Variants in ABHD3 observed in about 807,000 individuals in gnomAD.
The protein encoded by ABHD3 is abhydrolase domain containing 3, phospholipase, also known as phospholipase ABHD3.
ABHD3 carries 46 observed loss-of-function variants against 48.8 expected under a neutral mutation model. The ratio of observed to expected loss-of-function variants is 0.94; its 90% CI spans 0.74 to 1.20. ABHD3 has a LOEUF of 1.20. Among genes scored for constraint, ABHD3 ranks in the 50% most tolerant of loss-of-function variants. The pLI is 0.00. For synonymous variants in ABHD3, 192 were observed against 183.7 expected, an observed-to-expected ratio of 1.04 and a Z score of -0.36; for missense variants, 490 against 497.8, an observed-to-expected ratio of 0.98 and a Z score of 0.15.
intron 4 of ABHD3, among the ~76,000 whole-genome samples, chr18:21,672,434 T>TA (rs1467842631): frequency 5.3e-5 from 8 of 152,228 alleles, no homozygotes; most frequent in Admixed American, 6.5e-5. Context: ...GAATGCCTGG[T>TA]AAAAAAATCA....
chr18:21,666,567 T>C (rs950552129), intron 4 of ABHD3, among the ~76,000 whole-genome samples: 5 of 152,178 alleles, frequency 3.3e-5, no homozygotes, highest in Non-Finnish European at 7.3e-5. Flanking sequence ...TGACCTCAAA[T>C]GATCTACCCG....
chr18:21,682,636 C>T (rs996283232), intron 4 of ABHD3: 6 of 152,250 alleles, frequency 3.9e-5, no homozygotes, highest in African/African-American at 1.2e-4. Context: ...GCACATACCA[C>T]GGCTCTGCTG....
chr18:21,689,301 C>A (rs1190645422), intron 3 of ABHD3, among the ~76,000 whole-genome samples: 1 of 152,010 alleles, frequency 6.6e-6, no homozygotes, highest in African/African-American at 2.4e-5. Flanking sequence ...GTAATCTCAG[C>A]CCTTTGGGAA....
intron 4 of ABHD3, among the ~76,000 whole-genome samples, chr18:21,678,638 C>T (rs1360802945): frequency 6.6e-6 from 1 of 151,772 alleles, no homozygotes; most frequent in Non-Finnish European, 1.5e-5. Flanking sequence ...TATTCCTAAA[C>T]TAAGTTTACA....
intron 4 of ABHD3, among the ~76,000 whole-genome samples, chr18:21,673,042 A>C (rs1042590818): frequency 1.3e-5 from 2 of 152,156 alleles, no homozygotes; most frequent in Non-Finnish European, 2.9e-5. Context: ...TACACCAATA[A>C]ATGAGCAGTT....
intron 3 of ABHD3, among the ~76,000 whole-genome samples, chr18:21,688,815 G>T (rs1161554299): frequency 6.6e-6 from 1 of 152,146 alleles, no homozygotes; most frequent in Non-Finnish European, 1.5e-5. Context: ...ATTGTAAAGG[G>T]AGTAATCCAA....
At chr18:21,667,060 T>C (rs1299106092) in intron 4 of ABHD3, among the ~76,000 whole-genome samples, 1 of 150,568 alleles carries the variant, frequency 6.6e-6, no homozygotes, top group Non-Finnish European at 1.5e-5. Context: ...CACTAATGAG[T>C]AGCCTGAGAA....
intron 8 of ABHD3, among the ~76,000 whole-genome samples, chr18:21,653,283 C>T (rs1000363307): frequency 5.3e-5 from 8 of 150,410 alleles, no homozygotes; most frequent in African/African-American, 2.0e-4. Context: ...TGAACTATCG[C>T]ACCACTGCAC....
Position 21,659,310 on chromosome 18 carries a change from C to T in ABHD3, c.702G>A (p.Gly234=), listed in dbSNP as rs1326895795. Residue 234 remains glycine (G), a synonymous_variant, in exon 6 of 9, where the codon GGG becomes GGA. Coordinates refer to ENST00000289119, the MANE Select transcript of ABHD3 (RefSeq NM_138340.5). ...CAGCTGCCATCAAAGGCGTTTTGGA[C>T]CCAATTTTGCCCAAGTAATTTAGAA... ...MLLLNYLGKI[G]SKTPLMAAAT... 3 of 1,610,140 alleles carry T rather than the reference C, an allele frequency of 1.9e-6. 1 individual carries two copies. The highest frequency in any genetic ancestry group is 2.7e-5 in the African/African-American group (2 of 74,756).
chr18:21,665,135 G>A (rs529893157), intron 4 of ABHD3, among the ~76,000 whole-genome samples: 1 of 152,004 alleles, frequency 6.6e-6, no homozygotes, highest in African/African-American at 2.4e-5. Flanking sequence ...AGTAGAGATG[G>A]GGTTTCACCA....
intron 4 of ABHD3, among the ~76,000 whole-genome samples, chr18:21,665,591 T>C (rs2146292712): frequency 6.6e-6 from 1 of 152,028 alleles, no homozygotes; most frequent in African/African-American, 2.4e-5. Context: ...CCAAGGCAGG[T>C]GGATCATGAG....
chr18:21,703,156 G>T (rs2040549194), intron 2 of ABHD3, among the ~76,000 whole-genome samples: 1 of 151,256 alleles, frequency 6.6e-6, no homozygotes, highest in African/African-American at 2.4e-5. Flanking sequence ...CCTGTCAATA[G>T]GAAGTCATTT....
intron 3 of ABHD3, among the ~76,000 whole-genome samples, chr18:21,690,360 G>C (rs961044029): frequency 6.6e-6 from 1 of 151,868 alleles, no homozygotes; most frequent in Non-Finnish European, 1.5e-5. Context: ...ACAGCACTTC[G>C]GGAGGCCGGG....
At chr18:21,700,683 A>C (rs950307174) in intron 3 of ABHD3, among the ~76,000 whole-genome samples, 3 of 152,138 alleles carry the variant, frequency 2.0e-5, no homozygotes, top group Admixed American at 2.0e-4. Flanking sequence ...TACAGGCGTC[A>C]GCCACTGCAC....
chr18:21,657,465 A>T (rs1230757765), intron 6 of ABHD3, among the ~76,000 whole-genome samples: 2 of 151,764 alleles, frequency 1.3e-5, no homozygotes, highest in African/African-American at 4.8e-5. Flanking sequence ...TCAGCCCCAG[A>T]GTAGCTGGGA....
At chr18:21,679,313 T>C (rs1024804569) in intron 4 of ABHD3, among the ~76,000 whole-genome samples, 4 of 152,202 alleles carry the variant, frequency 2.6e-5, no homozygotes, top group Non-Finnish European at 5.9e-5. Context: ...TAATAATCGA[T>C]ATTAGCATCT....
intron 8 of ABHD3, among the ~76,000 whole-genome samples, chr18:21,652,388 AAAT>A: frequency 6.6e-6 from 1 of 152,216 alleles, no homozygotes; most frequent in East Asian, 1.9e-4. Context: ...AAGCAAAGAA[AAAT>A]AAAGAACGAA....
At chr18:21,704,093 G>C (rs2040579915) in intron 1 of ABHD3, among the ~76,000 whole-genome samples, 1 of 152,188 alleles carries the variant, frequency 6.6e-6, no homozygotes, top group South Asian at 2.1e-4. Flanking sequence ...CACCATTTTG[G>C]TCAGGCTGGT....
At chr18:21,655,596 C>T (rs1481855891) in intron 8 of ABHD3, among the ~76,000 whole-genome samples, 2 of 151,436 alleles carry the variant, frequency 1.3e-5, no homozygotes, top group African/African-American at 2.4e-5. Context: ...TGCCAGCAGT[C>T]TGGGAGGCTG....
Sources: allele counts gnomAD v4.1 joint callset (sites outside exome capture counted in the v4.1 genomes callset), GRCh38; gene constraint gnomAD v4.1.1; transcripts MANE v1.5; gene names NCBI Gene and HGNC (gene_info 2026-07-23, HGNC 2026-07-21).